Variants in PLXNC1 observed in about 807,000 individuals in gnomAD.
PLXNC1 encodes plexin C1.
PLXNC1 carries 75 observed loss-of-function variants against 178.2 expected under a neutral mutation model. The observed-to-expected ratio is 0.42, with a 90% CI of 0.35 to 0.51. The LOEUF is 0.51. Among genes scored for constraint, PLXNC1 ranks in the 20% least tolerant of loss-of-function variants. The pLI, the probability that PLXNC1 is intolerant of heterozygous loss-of-function variation, is 0.02. For missense variants in PLXNC1, 1,503 were observed against 1,984.4 expected, an observed-to-expected ratio of 0.76 and a Z score of 4.61; for synonymous variants, 790 against 779.9, an observed-to-expected ratio of 1.01 and a Z score of -0.22.
chr12:94,237,684 T>G lies in PLXNC1; in HGVS notation c.2001T>G (p.Ile667Met). The change falls in exon 10 of 31, where the codon ATT (isoleucine) becomes ATG (methionine). Residue 667 changes from isoleucine (I) to methionine (M), a missense_variant. Around this residue, in one of 4 missense-constraint regions of PLXNC1, gnomAD observed 615 missense variants for 698.6 expected, o/e 0.88. Transcript: ENST00000258526. ...QALQVFYIKS[I>M]EPQKVSTLGK... Reference sequence around the variant, plus strand: ...AATAGGTCTTCTACATTAAGTCCATTGAGCCACAGAAAGTATCGACATTAG... The same window carrying G: ...AATAGGTCTTCTACATTAAGTCCATGGAGCCACAGAAAGTATCGACATTAG... 1 of 1,613,866 alleles carries G rather than the reference T, an allele frequency of 6.2e-7. No individual in the cohort carries two copies. Among genetic ancestry groups the G allele is most frequent in the Non-Finnish European group, 8.5e-7 (1 of 1,179,828 alleles).
chr12:94,232,841 A>C (rs2136039852), intron 9 of PLXNC1, among the ~76,000 whole-genome samples: 1 of 152,264 alleles, frequency 6.6e-6, no homozygotes, highest in East Asian at 1.9e-4. Context: ...TCCCCATTTT[A>C]TAGATAAGGA....
chr12:94,297,973 T>A (rs73368588), intron 26 of PLXNC1, among the ~76,000 whole-genome samples: 4,912 of 152,142 alleles, frequency 0.032, 260 homozygotes, highest in African/African-American at 0.11. Context: ...TGTGGTGATC[T>A]TTTTTTTCCT....
chr12:94,239,840 C>A (rs1159999903), intron 10 of PLXNC1, among the ~76,000 whole-genome samples: 1 of 152,308 alleles, frequency 6.6e-6, no homozygotes, highest in East Asian at 1.9e-4. Flanking sequence ...TTGGTTTAGG[C>A]CCCCTTTGAA....
At chr12:94,298,857 A>G in intron 27 of PLXNC1, 62 bp downstream of exon 27, 1 of 1,437,288 alleles carries the variant, frequency 7.0e-7, no homozygotes, top group Non-Finnish European at 9.6e-7. Context: ...TAACTAAAAG[A>G]AAGACATAGA....
chr12:94,235,393 G>A (rs1964212602), intron 9 of PLXNC1, among the ~76,000 whole-genome samples: 3 of 152,146 alleles, frequency 2.0e-5, no homozygotes, highest in Admixed American at 6.5e-5. Context: ...TGGAGAAGAA[G>A]CATTTACTTG....
At chr12:94,151,507 T>C (rs1960959517) in intron 1 of PLXNC1, among the ~76,000 whole-genome samples, 1 of 152,234 alleles carries the variant, frequency 6.6e-6, no homozygotes, top group South Asian at 2.1e-4. Context: ...CGTACACATA[T>C]AATGTAATAT....
At chr12:94,247,361 GTCC>G (rs1168149356) in intron 12 of PLXNC1, among the ~76,000 whole-genome samples, 2 of 151,968 alleles carry the variant, frequency 1.3e-5, no homozygotes, top group African/African-American at 4.8e-5. Flanking sequence ...GAAAACCCTT[GTCC>G]TCCTTGTGTC....
chr12:94,159,332 G>A (rs1175875318), intron 1 of PLXNC1, among the ~76,000 whole-genome samples: 2 of 152,150 alleles, frequency 1.3e-5, no homozygotes, highest in Non-Finnish European at 1.5e-5. Flanking sequence ...ATGAAGAAAC[G>A]GAGGCACTTC....
intron 9 of PLXNC1, among the ~76,000 whole-genome samples, chr12:94,228,271 G>A (rs1964001140): frequency 6.6e-6 from 1 of 152,150 alleles, no homozygotes; most frequent in Admixed American, 6.5e-5. Context: ...GTTAAGTAAT[G>A]GGCTCCTTTT....
At position 94,159,412 on chromosome 12, in the gene PLXNC1, C is replaced by T. The variant is rs1439701809; in HGVS notation, c.1062+9379C>T. Among the ~76,000 whole-genome samples the T allele has an allele frequency of 3.3e-5, 5 of 152,054 alleles. No individual in the cohort carries two copies. The East Asian group carries it at 7.7e-4, about 23-fold the overall frequency. ...TGGGGTAAGTTCTCTTTAAGGAGGC[C>T]GAATTGACACCAGGAAGATAAGAAA... On this transcript the variant is annotated intron_variant, in intron 1 of 30. Coordinates refer to ENST00000258526, the MANE Select transcript of PLXNC1 (RefSeq NM_005761.3).
intron 5 of PLXNC1, among the ~76,000 whole-genome samples, chr12:94,210,104 T>A (rs1963423746): frequency 6.6e-6 from 1 of 152,184 alleles, no homozygotes; most frequent in Non-Finnish European, 1.5e-5. Context: ...AGAATTTTGT[T>A]TAGTGTAATG....
chr12:94,198,272 T>TAAGG (rs1962992665), intron 4 of PLXNC1, among the ~76,000 whole-genome samples: 1 of 152,110 alleles, frequency 6.6e-6, no homozygotes, highest in Non-Finnish European at 1.5e-5. Flanking sequence ...CTCAGCAAAC[T>TAAGG]AACGCAGGAA....
At chr12:94,179,769 G>C (rs966761671) in intron 2 of PLXNC1, among the ~76,000 whole-genome samples, 15 of 151,066 alleles carry the variant, frequency 9.9e-5, no homozygotes, top group African/African-American at 3.7e-4. Flanking sequence ...AAATGACATG[G>C]TCCCTGCGCA....
At chr12:94,212,119 A>C (rs1963488686) in intron 5 of PLXNC1, among the ~76,000 whole-genome samples, 1 of 151,560 alleles carries the variant, frequency 6.6e-6, no homozygotes, top group Admixed American at 6.6e-5. Context: ...CTAAAAATAC[A>C]AAAAATTAGC....
chr12:94,263,533 C>T (rs1168185074), intron 20 of PLXNC1, among the ~76,000 whole-genome samples: 1 of 148,876 alleles, frequency 6.7e-6, no homozygotes, highest in African/African-American at 2.6e-5. Context: ...AGTACACAGC[C>T]CCTATCCAAG....
At position 94,273,550 on chromosome 12, in the gene PLXNC1, C is replaced by T. The variant is rs916562527; in HGVS notation, c.3598-5922C>T. 6.6e-5 allele frequency among the ~76,000 whole-genome samples: 10 copies of T among 152,244 alleles called. No individual in the cohort carries two copies. The South Asian group carries it at 8.3e-4, about 13-fold the overall frequency. The stretch of plus-strand genomic sequence containing the variant: ...ATTTCTCTGTTTGAAAACCCCCTGC[C>T]GACCTAAAAGAGGTACCTCTCTAAA... On this transcript the variant is annotated intron_variant, in intron 21 of 30. Transcript: ENST00000258526.
Position 94,192,462 on chromosome 12 carries a change from A to G in PLXNC1, c.1439+5989A>G, listed in dbSNP as rs182148454. The stretch of plus-strand genomic sequence containing the variant: ...TATCAGTTAGGTTTCTGATCTAGTA[A>G]TGCTGTATAACAAACAACCCCCAAA... On this transcript the variant is annotated intron_variant, in intron 4 of 30. Transcript: ENST00000258526. Among the ~76,000 whole-genome samples, 135 of 151,512 alleles carry G rather than the reference A, an allele frequency of 8.9e-4. 2 individuals carry two copies. The highest frequency in any genetic ancestry group is 3.2e-3 in the African/African-American group (132 of 41,240).
In PLXNC1 at chr12:94,149,128, CAGG is replaced by C. The variant is rs1960842884; in HGVS notation, c.162_164del (p.Glu54del). On this transcript the variant is annotated inframe_deletion, in exon 1 of 31. Transcript: ENST00000258526. ...AGCCATCGGAGCCATCGCGGCGAGCCAGGAGGACGGCGTGTTTGTGGCGAGCGG... is the reference window on the plus strand; with the variant it reads ...AGCCATCGGAGCCATCGCGGCGAGCCAGGACGGCGTGTTTGTGGCGAGCGG... 4.4e-6 allele frequency: 7 copies of C among 1,589,302 alleles called. No individual in the cohort carries two copies. Among genetic ancestry groups the C allele is most frequent in the Non-Finnish European group, 5.1e-6 (6 of 1,172,628 alleles).
intron 6 of PLXNC1, among the ~76,000 whole-genome samples, chr12:94,221,887 G>A (rs1394938771): frequency 5.3e-5 from 8 of 152,304 alleles, no homozygotes; most frequent in Admixed American, 2.0e-4. Context: ...CAAAGGCCCC[G>A]TGGCTTAATA....
Sources: allele counts gnomAD v4.1 joint callset (sites outside exome capture counted in the v4.1 genomes callset), GRCh38; gene constraint gnomAD v4.1.1; regional missense constraint gnomAD v4.1.1; transcripts MANE v1.5; gene names NCBI Gene and HGNC (gene_info 2026-07-23, HGNC 2026-07-21).